ATP9B: variants seen among roughly 807,000 people sequenced by gnomAD.
The protein encoded by ATP9B is ATPase phospholipid transporting 9B.
In ATP9B, 110 loss-of-function variants were observed where a neutral mutation model predicts 146.1. That is an observed-to-expected ratio of 0.75 (90% CI 0.65 to 0.88). The LOEUF (loss-of-function observed/expected upper bound fraction) is 0.88, where lower values mean the gene tolerates loss of function less well. ATP9B is among the 40% of genes least tolerant of loss of function. ATP9B has a pLI of 0.00. For synonymous variants in ATP9B, 604 were observed against 569.7 expected (o/e 1.06, Z -0.86); for missense variants, 1,499 against 1,496.4 (o/e 1.00, Z -0.03).
At chr18:79,237,190 G>A (rs368918120) in intron 11 of ATP9B, among the ~76,000 whole-genome samples, 13 of 97,474 alleles carry the variant, frequency 1.3e-4, no homozygotes, top group South Asian at 9.8e-4. Flanking sequence ...TACACAGTCC[G>A]TGCACGAGTC....
chr18:79,161,936 T>C (rs2094889116), intron 7 of ATP9B, among the ~76,000 whole-genome samples: 1 of 152,278 alleles, frequency 6.6e-6, no homozygotes, highest in Non-Finnish European at 1.5e-5. Context: ...ATTTGTGTTA[T>C]AATATTGCTT....
intron 11 of ATP9B, among the ~76,000 whole-genome samples, chr18:79,227,963 A>G (rs1049994363): frequency 6.6e-6 from 1 of 152,104 alleles, no homozygotes; most frequent in African/African-American, 2.4e-5. Flanking sequence ...TGAAAATCTC[A>G]TATTTGTTCA....
intron 5 of ATP9B, among the ~76,000 whole-genome samples, chr18:79,138,448 A>G (rs2147342871): frequency 6.6e-6 from 1 of 152,222 alleles, no homozygotes; most frequent in Admixed American, 6.5e-5. Flanking sequence ...CGAAATGTTT[A>G]TTGTGTACCT....
At chr18:79,320,008 G>A (rs2096706329) in intron 15 of ATP9B, among the ~76,000 whole-genome samples, 2 of 152,240 alleles carry the variant, frequency 1.3e-5, no homozygotes, top group Admixed American at 6.5e-5. Flanking sequence ...CTCTGCAGCA[G>A]CCCTGTGCTC....
At chr18:79,304,492 G>T (rs542048019) in intron 14 of ATP9B, among the ~76,000 whole-genome samples, 2 of 152,102 alleles carry the variant, frequency 1.3e-5, no homozygotes, top group Admixed American at 6.5e-5. Context: ...CATCAATGGC[G>T]TTCAAAAAGC....
In ATP9B at chr18:79,373,919, C is replaced by T; in HGVS notation, c.3092C>T (p.Ala1031Val). ...TCAGGCGGCATCCTCATGTATGGGG[C>T]CCTGGTGCTCTTCGAGTCTGAGTTC... ...IYQGGILMYG[A>V]LVLFESEFVH... is the part of the protein sequence containing the mutation. The change falls in exon 28 of 30, where the codon GCC becomes GTC. Residue 1031 changes from alanine (A) to valine (V), a missense_variant. By Grantham distance (64) the Ala-to-Val change is moderately conservative. Transcript: ENST00000426216. 6.2e-7 allele frequency: 1 copy of T among 1,613,054 alleles called. No individual in the cohort carries two copies. Among genetic ancestry groups the T allele is most frequent in the Non-Finnish European group, 8.5e-7 (1 of 1,180,018 alleles).
chr18:79,328,210 T>TGC (rs2096771800), intron 15 of ATP9B, among the ~76,000 whole-genome samples: 2 of 151,944 alleles, frequency 1.3e-5, no homozygotes, highest in African/African-American at 2.4e-5. Context: ...GGTTAGCATG[T>TGC]TCCCCATGGT....
chr18:79,366,627 C>CG (rs2097031007), intron 26 of ATP9B, among the ~76,000 whole-genome samples: 1 of 152,194 alleles, frequency 6.6e-6, no homozygotes, highest in African/African-American at 2.4e-5. Context: ...GAAATAAACA[C>CG]GGACATGTGT....
At chr18:79,258,253 T>TGGTC (rs1321005697) in intron 12 of ATP9B, among the ~76,000 whole-genome samples, 1 of 152,094 alleles carries the variant, frequency 6.6e-6, no homozygotes, top group African/African-American at 2.4e-5. Context: ...TGGTGAAACC[T>TGGTC]GGTCTCTCCA....
chr18:79,337,215 C>T, intron 18 of ATP9B, 64 bp from the exon 19 acceptor site: 2 of 1,588,442 alleles, frequency 1.3e-6, no homozygotes, highest in South Asian at 2.2e-5. Context: ...TGCAGTCCAG[C>T]TCTGTGGAGT....
At chr18:79,288,010 A>G (rs1296502073) in intron 13 of ATP9B, among the ~76,000 whole-genome samples, 2 of 151,684 alleles carry the variant, frequency 1.3e-5, no homozygotes, top group African/African-American at 4.8e-5. Flanking sequence ...GTTCTTTTAC[A>G]TTTGCTGAGG....
chr18:79,246,990 C>T (rs1029249055), intron 11 of ATP9B, among the ~76,000 whole-genome samples: 1 of 152,164 alleles, frequency 6.6e-6, no homozygotes, highest in African/African-American at 2.4e-5. Flanking sequence ...ATACGTAGAG[C>T]AAAAATTAAA....
chr18:79,160,122 T>G (rs373295561), intron 7 of ATP9B, among the ~76,000 whole-genome samples: 26 of 152,364 alleles, frequency 1.7e-4, no homozygotes, highest in African/African-American at 6.0e-4. Context: ...TTCTTTTGTT[T>G]TAAATATTTT....
intron 2 of ATP9B, among the ~76,000 whole-genome samples, chr18:79,110,105 C>T (rs560768305): frequency 3.3e-5 from 5 of 152,074 alleles, no homozygotes; most frequent in East Asian, 3.9e-4. Context: ...TTTATTTTGC[C>T]AATAAGAGTG....
chr18:79,105,333 T>C (rs898103544), intron 2 of ATP9B, among the ~76,000 whole-genome samples: 1 of 152,246 alleles, frequency 6.6e-6, no homozygotes, highest in African/African-American at 2.4e-5. Flanking sequence ...TTAGTTTAAC[T>C]GCAGGAGGAA....
chr18:79,359,533 C>CA, intron 26 of ATP9B, 71 bp downstream of exon 26: 1 of 1,167,540 alleles, frequency 8.6e-7, no homozygotes, highest in South Asian at 1.3e-5. Context: ...GAGTGAGAAA[C>CA]AGGCCAGTCA....
At chr18:79,073,981 A>G (rs537347821) in intron 1 of ATP9B, among the ~76,000 whole-genome samples, 2 of 152,136 alleles carry the variant, frequency 1.3e-5, no homozygotes, top group African/African-American at 4.8e-5. Context: ...TCTCTTGGGT[A>G]TTTTGTATAT....
At chr18:79,184,923 C>A (rs1298886676) in intron 8 of ATP9B, among the ~76,000 whole-genome samples, 9 of 151,568 alleles carry the variant, frequency 5.9e-5, no homozygotes, top group Admixed American at 6.6e-5. Context: ...TTTAATTTTG[C>A]TAAGTGTAGT....
chr18:79,098,973 A>G (rs550185154), intron 2 of ATP9B, among the ~76,000 whole-genome samples: 78 of 152,276 alleles, frequency 5.1e-4, no homozygotes, highest in Non-Finnish European at 1.0e-3. Flanking sequence ...CCTCTGTGGA[A>G]TACTGTGTAA....
Sources: allele counts gnomAD v4.1 joint callset (sites outside exome capture counted in the v4.1 genomes callset), GRCh38; gene constraint gnomAD v4.1.1; transcripts MANE v1.5; gene names NCBI Gene and HGNC (gene_info 2026-07-23, HGNC 2026-07-21).